Variants in CACNA1H observed in about 807,000 individuals in gnomAD.
CACNA1H encodes the protein voltage-dependent T-type calcium channel subunit alpha-1H.
Under a neutral mutation model 192.5 loss-of-function variants are expected in CACNA1H, and 149 were observed. The ratio of observed to expected loss-of-function variants is 0.77; its 90% CI spans 0.68 to 0.89. The LOEUF is 0.89. Ranked by LOEUF, CACNA1H falls within the 40% of genes least tolerant of loss-of-function variation. The probability of loss-of-function intolerance (pLI) is 0.00; values close to 1 mark genes in which losing one functional copy is unlikely to be tolerated. For synonymous variants in CACNA1H, 2,202 were observed against 1,475.2 expected (o/e 1.49, Z -11.29); for missense variants, 4,257 against 3,423.5 (o/e 1.24, Z -6.08).
chr16:1,155,395 C>T (rs368876616), intron 2 of CACNA1H, among the ~76,000 whole-genome samples: 3 of 152,174 alleles, frequency 2.0e-5, no homozygotes, highest in South Asian at 2.1e-4. Flanking sequence ...TTTGTCTCCT[C>T]TCTAGAACCA....
chr16:1,161,490 A>G lies in CACNA1H; in HGVS notation c.299+7454A>G, dbSNP rs536490929. Among the ~76,000 whole-genome samples the G allele has an allele frequency of 3.3e-5, 5 of 152,270 alleles. No homozygotes were observed. In the East Asian group the frequency reaches 9.7e-4, roughly 29 times the overall value. ...CCTTTTTTTGGGCAAGGTGGTCTTT[A>G]GTAGCCCCAGATGTTAAAGACTCAG... is the stretch of plus-strand genomic sequence containing the variant. On this transcript the variant is annotated intron_variant, in intron 2 of 34. Transcript: ENST00000348261.
chr16:1,153,749 C>T lies in CACNA1H; in HGVS notation c.12C>T (p.Gly4=), dbSNP rs1330203432. Residue 4 remains glycine (G), a synonymous_variant, in exon 2 of 35, where the codon GGC becomes GGT. Transcript: ENST00000348261. ...TGCCGGCCGCCACCATGACCGAGGG[C>T]GCACGGGCCGCCGACGAGGTCCGGG... MTE[G]ARAADEVRVP... is the part of the protein sequence containing the mutation. 5.0e-6 allele frequency: 6 copies of T among 1,212,038 alleles called. No homozygotes were observed. The highest frequency in any genetic ancestry group is 3.7e-5 in the South Asian group (1 of 27,272). 75.1% of individuals were successfully genotyped at this position (1,212,038 alleles called of 1,614,324 possible). A position where few individuals can be genotyped will look rare whatever the true frequency, so the allele number is the denominator to read the frequency against.
chr16:1,155,245 C>T (rs1038439437), intron 2 of CACNA1H, among the ~76,000 whole-genome samples: 1 of 152,226 alleles, frequency 6.6e-6, no homozygotes, highest in African/African-American at 2.4e-5. Context: ...GGCAGCCGGC[C>T]CCGGCCAGAG....
intron 2 of CACNA1H, among the ~76,000 whole-genome samples, chr16:1,190,196 G>GC (rs1310808837): frequency 6.6e-6 from 1 of 152,236 alleles, no homozygotes; most frequent in Non-Finnish European, 1.5e-5. Flanking sequence ...CAGCCAGCAG[G>GC]CCCCCTCCCA....
chr16:1,160,963 T>A (rs1165875969), intron 2 of CACNA1H, among the ~76,000 whole-genome samples: 2 of 152,064 alleles, frequency 1.3e-5, no homozygotes, highest in Non-Finnish European at 2.9e-5. Context: ...CCTGGGCTCT[T>A]TGCCCAAGTT....
chr16:1,210,796 C>T lies in CACNA1H; in HGVS notation c.4048C>T (p.Leu1350=). The T allele has an allele frequency of 1.2e-6, 2 of 1,601,132 alleles. No homozygotes were observed. Among genetic ancestry groups the T allele is most frequent in the African/African-American group, 1.3e-5 (1 of 75,060 alleles). Residue 1350 remains leucine (L), a synonymous_variant, in exon 21 of 35, where the codon CTG becomes TTG. Coordinates refer to ENST00000348261, the MANE Select transcript of CACNA1H (RefSeq NM_021098.3). ...VAEMMVKVVA[L]GLLSGEHAYL... is the part of the protein sequence containing the mutation. The stretch of plus-strand genomic sequence containing the variant: ...CATTGGCCCTCCGCAGGTGGTGGCC[C>T]TGGGGCTGCTGTCCGGCGAGCACGC...
chr16:1,197,627 G>A (rs1432068567), intron 5 of CACNA1H, among the ~76,000 whole-genome samples: 4 of 152,216 alleles, frequency 2.6e-5, no homozygotes, highest in East Asian at 1.9e-4. Context: ...TCTTTGAGGC[G>A]GTTGCGGTCT....
intron 13 of CACNA1H, 76 bp downstream of exon 13, chr16:1,207,194 A>G: frequency 5.2e-6 from 8 of 1,549,680 alleles, no homozygotes; most frequent in Middle Eastern, 1.7e-4. Context: ...CGTCCTGCGC[A>G]TCCATAGCTG....
At chr16:1,187,499 G>T (rs975877955) in intron 2 of CACNA1H, among the ~76,000 whole-genome samples, 3 of 152,254 alleles carry the variant, frequency 2.0e-5, no homozygotes, top group African/African-American at 7.2e-5. Flanking sequence ...CAGGCCGCTT[G>T]TGCCCAGCTG....
In CACNA1H at chr16:1,198,508, A is replaced by G. The variant is rs1381692994; in HGVS notation, c.644-107A>G. On this transcript the variant is annotated intron_variant, in intron 5 of 34. Coordinates refer to ENST00000348261, the MANE Select transcript of CACNA1H (RefSeq NM_021098.3). ...GAGTCAGTGTGCAGTGGGCGTGGAC[A>G]CCCACTGTGAACAGTGGACGGGGCT... The G allele has an allele frequency of 8.5e-6, 10 of 1,180,548 alleles. No individual in the cohort carries two copies. In the East Asian group the frequency reaches 1.4e-4, roughly 17 times the overall value. The allele number at this position is 1,180,548 out of a possible 1,614,324, so 73.1% of individuals were successfully genotyped here. A position where few individuals can be genotyped will look rare whatever the true frequency, so the allele number is the denominator to read the frequency against.
At position 1,199,045 on chromosome 16, in the gene CACNA1H, G is replaced by A. The variant is rs183938242; in HGVS notation, c.803+271G>A. 7.8e-3 allele frequency: 2,424 copies of A among 310,458 alleles called. 156 individuals carry two copies. In the East Asian group the frequency reaches 0.11, roughly 14 times the overall value. The allele number at this position is 310,458 out of a possible 1,614,324, so 19.2% of individuals were successfully genotyped here. ...ATGCCCCACCCCCCACCATGGCTCC[G>A]CCCACCGCGCAGTCGCTGCACATAT... On this transcript the variant is annotated intron_variant, in intron 6 of 34. Transcript: ENST00000348261.
Position 1,202,341 on chromosome 16 carries a change from G to A in CACNA1H, c.1891G>A (p.Gly631Arg), listed in dbSNP as rs369898856. 202 of 1,571,956 alleles carry A rather than the reference G, an allele frequency of 1.3e-4. No individual in the cohort carries two copies. The Middle Eastern group carries it at 2.0e-3, about 16-fold the overall frequency. ...VGSGKGSTSPGPKGKWAGGPP... is the reference protein window; with the variant it reads ...VGSGKGSTSPRPKGKWAGGPP... ...CAGCGGCAAAGGCAGCACCAGCCCCGGACCCAAGGGGAAGTGGGCCGGTGG... is the reference window on the plus strand; with the variant it reads ...CAGCGGCAAAGGCAGCACCAGCCCCAGACCCAAGGGGAAGTGGGCCGGTGG... The change falls in exon 9 of 35, where the codon GGA becomes AGA. Residue 631 changes from glycine to arginine, a missense_variant. Transcript: ENST00000348261.
intron 2 of CACNA1H, among the ~76,000 whole-genome samples, chr16:1,164,518 T>C (rs1019786893): frequency 3.9e-5 from 6 of 152,162 alleles, no homozygotes; most frequent in Admixed American, 1.3e-4. Context: ...TCTCTCAGCC[T>C]GATAACTGAG....
intron 2 of CACNA1H, among the ~76,000 whole-genome samples, chr16:1,194,764 A>G (rs1159442967): frequency 6.6e-6 from 1 of 152,058 alleles, no homozygotes; most frequent in Non-Finnish European, 1.5e-5. Context: ...CTCACGGAGC[A>G]GAGCCCGGCC....
chr16:1,154,655 G>A (rs2151609883), intron 2 of CACNA1H, among the ~76,000 whole-genome samples: 1 of 152,312 alleles, frequency 6.6e-6, no homozygotes, highest in South Asian at 2.1e-4. Context: ...CAGCTGAAGG[G>A]TAGGGGGCAG....
chr16:1,161,848 C>T (rs976229890), intron 2 of CACNA1H, among the ~76,000 whole-genome samples: 19 of 152,300 alleles, frequency 1.2e-4, no homozygotes, highest in Non-Finnish European at 1.5e-4. Flanking sequence ...GTCCCCTTGC[C>T]GCAGCCTGCC....
At position 1,200,269 on chromosome 16, in the gene CACNA1H, A is replaced by ACCTTC; in HGVS notation, c.819_823dup (p.Leu275ProfsTer102). The ACCTTC allele has an allele frequency of 6.2e-7, 1 of 1,600,046 alleles. No homozygotes were observed. Among genetic ancestry groups the ACCTTC allele is most frequent in the Non-Finnish European group, 8.5e-7 (1 of 1,173,080 alleles). On this transcript the variant is annotated frameshift_variant, in exon 7 of 35. Coordinates refer to ENST00000348261, the MANE Select transcript of CACNA1H (RefSeq NM_021098.3). LOFTEE classifies it high-confidence loss of function. The stretch of plus-strand genomic sequence containing the variant: ...GCCCATCCCCAGGAACAACAACCTG[A>ACCTTC]CCTTCCTGCGGCCGTACTACCAGAC...
chr16:1,187,866 C>T (rs1398644813), intron 2 of CACNA1H, among the ~76,000 whole-genome samples: 2 of 152,220 alleles, frequency 1.3e-5, no homozygotes, highest in South Asian at 2.1e-4. Flanking sequence ...ACAGCCCCGC[C>T]TCCGTCCCTC....
At chr16:1,162,610 G>A (rs1349373123) in intron 2 of CACNA1H, among the ~76,000 whole-genome samples, 10 of 148,662 alleles carry the variant, frequency 6.7e-5, no homozygotes, top group South Asian at 2.2e-4. Flanking sequence ...AAGCTGCCCC[G>A]CACGGCCAGC....
Sources: gnomAD v4.1 joint callset for allele counts (sites outside exome capture counted in the v4.1 genomes callset) on GRCh38, gnomAD v4.1.1 for gene constraint, MANE v1.5 for transcripts, NCBI Gene and HGNC (gene_info 2026-07-23, HGNC 2026-07-21) for gene names.